The following EEPD1 variants were observed in gnomAD, a reference collection of about 807,000 sequenced individuals.
EEPD1 encodes endonuclease/exonuclease/phosphatase family domain-containing protein 1.
A neutral mutation model predicts 46.3 loss-of-function variants in EEPD1; 17 were observed. That is an observed-to-expected ratio of 0.37 (90% CI 0.25 to 0.55). The LOEUF is 0.55. Among genes scored for constraint, EEPD1 ranks in the 20% least tolerant of loss-of-function variants. The pLI is 0.83. For missense variants in EEPD1, 673 were observed against 745.6 expected, an observed-to-expected ratio of 0.90 and a Z score of 1.13; for synonymous variants, 313 against 315.6, an observed-to-expected ratio of 0.99 and a Z score of 0.09.
chr7:36,216,133 A>G (rs1447418211), intron 2 of EEPD1, among the ~76,000 whole-genome samples: 1 of 152,228 alleles, frequency 6.6e-6, no homozygotes, highest in Admixed American at 6.5e-5. Flanking sequence ...AATCCTATAC[A>G]TAGTATTCTA....
intron 2 of EEPD1, among the ~76,000 whole-genome samples, chr7:36,180,737 A>G (rs1785258276): frequency 1.3e-5 from 2 of 152,076 alleles, no homozygotes; most frequent in Admixed American, 6.5e-5. Context: ...GCTGGTTCCA[A>G]TTCTGGACTG....
chr7:36,214,583 G>A (rs1390388083), intron 2 of EEPD1, among the ~76,000 whole-genome samples: 5 of 152,202 alleles, frequency 3.3e-5, no homozygotes, highest in Admixed American at 2.0e-4. Context: ...GAACTTGTTG[G>A]AAATGCAAAT....
rs577492380 is a variant in EEPD1 at position 36,292,317 on chromosome 7, A to G, written c.1315+4540A>G. ...CAGAGTCATCCAGCTGTTTTCTCTTAGAACCGGGGCCGAGAACCACTGTTT... is the reference window on the plus strand; with the variant it reads ...CAGAGTCATCCAGCTGTTTTCTCTTGGAACCGGGGCCGAGAACCACTGTTT... On this transcript the variant is annotated intron_variant, in intron 6 of 7. Transcript: ENST00000242108. Among the ~76,000 whole-genome samples the G allele has an allele frequency of 1.4e-3, 208 of 152,326 alleles. 2 individuals are homozygous for G. The highest frequency in any genetic ancestry group is 2.1e-3 in the Non-Finnish European group (140 of 68,022).
At chr7:36,258,367 C>T (rs547976225) in intron 3 of EEPD1, among the ~76,000 whole-genome samples, 1 of 152,312 alleles carries the variant, frequency 6.6e-6, no homozygotes, top group African/African-American at 2.4e-5. Context: ...CTGGGAGATC[C>T]ACTGCTCTCT....
intron 3 of EEPD1, among the ~76,000 whole-genome samples, chr7:36,273,698 A>C (rs1787145256): frequency 6.6e-6 from 1 of 152,078 alleles, no homozygotes; most frequent in South Asian, 2.1e-4. Flanking sequence ...TTAGAACTAG[A>C]GGTGCCCTGG....
chr7:36,287,537 T>C, intron 5 of EEPD1, 102 bp from the exon 6 acceptor site: 1 of 1,490,508 alleles, frequency 6.7e-7, no homozygotes, highest in African/African-American at 1.4e-5. Flanking sequence ...TTGTTTACCA[T>C]TGTCAACTCT....
intron 2 of EEPD1, among the ~76,000 whole-genome samples, chr7:36,174,674 C>T (rs984938930): frequency 2.6e-5 from 4 of 152,308 alleles, no homozygotes; most frequent in East Asian, 1.9e-4. Context: ...GCCTTCTGAT[C>T]GCTTTCACTG....
intron 2 of EEPD1, among the ~76,000 whole-genome samples, chr7:36,173,781 G>A (rs1785129718): frequency 6.6e-6 from 1 of 152,168 alleles, no homozygotes; most frequent in Non-Finnish European, 1.5e-5. Flanking sequence ...AGTTTTTTCT[G>A]TGTGTACCCA....
intron 2 of EEPD1, among the ~76,000 whole-genome samples, chr7:36,224,434 A>G (rs1786197469): frequency 6.6e-6 from 1 of 152,248 alleles, no homozygotes; most frequent in South Asian, 2.1e-4. Flanking sequence ...GGATGCATAA[A>G]GACTAAAAAA....
At chr7:36,211,179 C>T (rs560436447) in intron 2 of EEPD1, among the ~76,000 whole-genome samples, 9 of 152,276 alleles carry the variant, frequency 5.9e-5, no homozygotes, top group South Asian at 2.1e-4. Flanking sequence ...GCAGTATCTT[C>T]GGTGCCCTTC....
At chr7:36,221,932 C>A (rs886233161) in intron 2 of EEPD1, among the ~76,000 whole-genome samples, 2 of 152,208 alleles carry the variant, frequency 1.3e-5, no homozygotes, top group Non-Finnish European at 2.9e-5. Context: ...GCACACTGGC[C>A]ACACATGTAC....
At chr7:36,197,031 C>T in intron 2 of EEPD1, among the ~76,000 whole-genome samples, 1 of 150,790 alleles carries the variant, frequency 6.6e-6, no homozygotes, top group South Asian at 2.1e-4. Context: ...GCCGCCCCGT[C>T]TGGGATGTGA....
intron 2 of EEPD1, among the ~76,000 whole-genome samples, chr7:36,200,272 G>T (rs920738937): frequency 1.3e-5 from 2 of 152,088 alleles, no homozygotes; most frequent in African/African-American, 4.8e-5. Flanking sequence ...AAGGATGATG[G>T]CCGCCAGTTC....
At chr7:36,205,034 T>A (rs527784268) in intron 2 of EEPD1, among the ~76,000 whole-genome samples, 34 of 152,330 alleles carry the variant, frequency 2.2e-4, no homozygotes, top group African/African-American at 7.5e-4. Context: ...CTCATTTCTG[T>A]TCTCACCACT....
At chr7:36,274,641 A>G (rs974428326) in intron 3 of EEPD1, among the ~76,000 whole-genome samples, 2 of 152,162 alleles carry the variant, frequency 1.3e-5, no homozygotes, top group Admixed American at 6.5e-5. Context: ...TGCTGCACCT[A>G]TCAACCCATC....
intron 2 of EEPD1, among the ~76,000 whole-genome samples, chr7:36,238,530 G>T (rs992261294): frequency 6.6e-6 from 1 of 152,202 alleles, no homozygotes; most frequent in African/African-American, 2.4e-5. Flanking sequence ...CTCATTTAGT[G>T]TGTCTCCAAG....
chr7:36,268,656 G>A (rs936826644), intron 3 of EEPD1, among the ~76,000 whole-genome samples: 2 of 152,236 alleles, frequency 1.3e-5, no homozygotes, highest in African/African-American at 2.4e-5. Context: ...TTCAGAAATT[G>A]TGCTGCCAGG....
chr7:36,276,879 G>A (rs1787189424), intron 3 of EEPD1, among the ~76,000 whole-genome samples: 1 of 152,240 alleles, frequency 6.6e-6, no homozygotes, highest in Non-Finnish European at 1.5e-5. Context: ...CGAGAGGGTG[G>A]GGTGGCAGTA....
intron 3 of EEPD1, among the ~76,000 whole-genome samples, chr7:36,243,998 GTAAC>G (rs72521964): frequency 0.12 from 17,945 of 151,688 alleles, 1,087 homozygotes; most frequent in East Asian, 0.21. Flanking sequence ...GTATACATAT[GTAAC>G]TAACCTGCAC....
Sources: allele counts gnomAD v4.1 joint callset (sites outside exome capture counted in the v4.1 genomes callset), GRCh38; gene constraint gnomAD v4.1.1; transcripts MANE v1.5; gene names NCBI Gene and HGNC (gene_info 2026-07-23, HGNC 2026-07-21).